The following ADGRL2 variants were observed in gnomAD, a reference collection of about 807,000 sequenced individuals.
ADGRL2 encodes calcium-independent alpha-latrotoxin receptor 2.
A neutral mutation model predicts 157.4 loss-of-function variants in ADGRL2; 44 were observed. The ratio of observed to expected loss-of-function variants is 0.28; its 90% confidence interval spans 0.22 to 0.36. The LOEUF is 0.36. ADGRL2 is among the 10% of genes least tolerant of loss of function. The pLI, the probability that ADGRL2 is intolerant of heterozygous loss-of-function variation, is 1.00. For synonymous variants in ADGRL2, 585 were observed against 624.7 expected (o/e 0.94, Z 0.95); for missense variants, 1,510 against 1,768.9 (o/e 0.85, Z 2.63).
intron 2 of ADGRL2, among the ~76,000 whole-genome samples, chr1:81,526,369 CA>C (rs2079455303): frequency 2.0e-5 from 3 of 152,184 alleles, no homozygotes; most frequent in Non-Finnish European, 2.9e-5. Flanking sequence ...ATTTTCCTCA[CA>C]TTATTACCCT....
At chr1:81,341,651 G>A (rs891897713) in intron 1 of ADGRL2, among the ~76,000 whole-genome samples, 1 of 152,024 alleles carries the variant, frequency 6.6e-6, no homozygotes, top group Non-Finnish European at 1.5e-5. Flanking sequence ...GCATTTTAAT[G>A]GAAGTGATAC....
intron 2 of ADGRL2, among the ~76,000 whole-genome samples, chr1:81,764,746 G>A (rs1477211196): frequency 6.6e-6 from 1 of 151,844 alleles, no homozygotes; most frequent in Non-Finnish European, 1.5e-5. Context: ...ATTCCTGAGT[G>A]GTTAAAGTAG....
chr1:81,309,220 CG>C (rs1659561371), intron 1 of ADGRL2, among the ~76,000 whole-genome samples: 1 of 151,982 alleles, frequency 6.6e-6, no homozygotes. Context: ...TCTGTAATAC[CG>C]TATATATTTC....
chr1:81,867,675 T>C lies in ADGRL2; in HGVS notation c.73+30618T>C, dbSNP rs533252473. Among the ~76,000 whole-genome samples, 4 of 152,314 alleles carry C rather than the reference T, an allele frequency of 2.6e-5. 1 individual carries two copies. The South Asian group carries it at 8.3e-4, about 32-fold the overall frequency. On this transcript the variant is annotated intron_variant, in intron 2 of 23. Transcript: ENST00000686636. ...TTTACATGGAATTGCTAATACTAAT[T>C]ACCTAAATGAAATAAATTTATAAAG...
intron 1 of ADGRL2, among the ~76,000 whole-genome samples, chr1:81,371,786 A>G (rs1449736792): frequency 6.6e-6 from 1 of 152,228 alleles, no homozygotes; most frequent in Non-Finnish European, 1.5e-5. Context: ...CCATCGATCC[A>G]TGTAACCATT....
chr1:81,596,683 T>C (rs569623651), intron 3 of ADGRL2, among the ~76,000 whole-genome samples: 1 of 152,210 alleles, frequency 6.6e-6, no homozygotes, highest in South Asian at 2.1e-4. Flanking sequence ...GATTTTACTT[T>C]TTTTTTTTGG....
chr1:81,461,165 T>A (rs2077919626), intron 2 of ADGRL2, among the ~76,000 whole-genome samples: 1 of 152,220 alleles, frequency 6.6e-6, no homozygotes, highest in Admixed American at 6.5e-5. Flanking sequence ...CCTTTGGCGA[T>A]ATTTCTAAGT....
chr1:81,916,224 T>G (rs2094851734), intron 3 of ADGRL2, among the ~76,000 whole-genome samples: 1 of 152,188 alleles, frequency 6.6e-6, no homozygotes. Context: ...TCAGCTTTCA[T>G]AAGACTATTT....
intron 2 of ADGRL2, among the ~76,000 whole-genome samples, chr1:81,519,398 T>C (rs1017425680): frequency 7.9e-5 from 12 of 152,164 alleles, no homozygotes; most frequent in African/African-American, 2.7e-4. Context: ...TCCATTACTA[T>C]TGAATGACCC....
At chr1:81,929,942 C>T (rs1015927829) in intron 3 of ADGRL2, among the ~76,000 whole-genome samples, 1 of 152,134 alleles carries the variant, frequency 6.6e-6, no homozygotes, top group African/African-American at 2.4e-5. Context: ...CTACGTTTTA[C>T]AGATGATAAT....
intron 3 of ADGRL2, among the ~76,000 whole-genome samples, chr1:81,656,702 C>G (rs1019581740): frequency 2.6e-5 from 4 of 151,990 alleles, no homozygotes; most frequent in Non-Finnish European, 5.9e-5. Flanking sequence ...CTGTCACTTA[C>G]CATATATGAT....
chr1:81,452,568 C>T (rs2077721773), intron 2 of ADGRL2, among the ~76,000 whole-genome samples: 1 of 152,172 alleles, frequency 6.6e-6, no homozygotes, highest in Non-Finnish European at 1.5e-5. Context: ...GGGCTAAAAA[C>T]TTTCATAGCT....
chr1:81,522,171 G>A (rs1176848481), intron 2 of ADGRL2, among the ~76,000 whole-genome samples: 1 of 151,864 alleles, frequency 6.6e-6, no homozygotes, highest in Non-Finnish European at 1.5e-5. Context: ...CGCCATGTTG[G>A]CCAGGCTGGT....
rs1657899999 is a variant in ADGRL2 at position 81,968,848 on chromosome 1, A to T, written c.2524-330A>T. ...AAAATGTCAGTTGTTTTTAATCATGAATAAGTATTCTTTATTCTGTCATGT... is the reference window on the plus strand; with the variant it reads ...AAAATGTCAGTTGTTTTTAATCATGTATAAGTATTCTTTATTCTGTCATGT... On this transcript the variant is annotated intron_variant, in intron 14 of 23. Transcript: ENST00000686636. 3.3e-5 allele frequency among the ~76,000 whole-genome samples: 5 copies of T among 152,316 alleles called. No individual in the cohort carries two copies. In the South Asian group the frequency reaches 1.0e-3, roughly 32 times the overall value.
intron 2 of ADGRL2, among the ~76,000 whole-genome samples, chr1:81,894,011 A>G (rs2094327321): frequency 6.6e-6 from 1 of 152,196 alleles, no homozygotes; most frequent in South Asian, 2.1e-4. Flanking sequence ...AATTTTGGGA[A>G]TTGGTTTCTG....
At chr1:81,911,243 G>A (rs1436668525) in intron 3 of ADGRL2, among the ~76,000 whole-genome samples, 1 of 152,032 alleles carries the variant, frequency 6.6e-6, no homozygotes, top group Non-Finnish European at 1.5e-5. Context: ...GAAATGAAAT[G>A]CTTTCTTAAA....
chr1:81,703,419 T>C (rs978827695), intron 1 of ADGRL2, among the ~76,000 whole-genome samples: 3 of 152,062 alleles, frequency 2.0e-5, no homozygotes, highest in African/African-American at 4.8e-5. Context: ...GAGTTTTTGT[T>C]TTCTGTTGTT....
chr1:81,470,497 C>T (rs1356761232), intron 2 of ADGRL2, among the ~76,000 whole-genome samples: 1 of 152,168 alleles, frequency 6.6e-6, no homozygotes, highest in Non-Finnish European at 1.5e-5. Flanking sequence ...GCTAGGTCAC[C>T]ACCTTGAATT....
intron 7 of ADGRL2, 29 bp downstream of exon 7, chr1:81,950,511 T>C (rs1651430506): frequency 6.3e-7 from 1 of 1,578,002 alleles, no homozygotes; most frequent in Admixed American, 1.8e-5. Flanking sequence ...CATGCATACA[T>C]TTTTCAATTT....
Sources: allele counts gnomAD v4.1 joint callset (sites outside exome capture counted in the v4.1 genomes callset), GRCh38; gene constraint gnomAD v4.1.1; transcripts MANE v1.5; gene names NCBI Gene and HGNC (gene_info 2026-07-23, HGNC 2026-07-21).